ZDHHC7: variants seen among roughly 807,000 people sequenced by gnomAD.
ZDHHC7 encodes palmitoyltransferase ZDHHC7.
A neutral mutation model predicts 34.1 loss-of-function variants in ZDHHC7; 12 were observed. That is an observed-to-expected ratio of 0.35 (90% CI 0.23 to 0.57). The LOEUF (loss-of-function observed/expected upper bound fraction) is 0.57, where lower values mean the gene tolerates loss of function less well. Among genes scored for constraint, ZDHHC7 ranks in the 20% least tolerant of loss-of-function variants. The pLI, the probability that ZDHHC7 is intolerant of heterozygous loss-of-function variation, is 0.84. For synonymous variants in ZDHHC7, 185 were observed against 155.4 expected (o/e 1.19, Z -1.42); for missense variants, 388 against 402.7 (o/e 0.96, Z 0.31).
At chr16:84,976,689 C>T (rs977756370) in intron 7 of ZDHHC7, among the ~76,000 whole-genome samples, 170 bp from the exon 8 acceptor site, 1 of 152,228 alleles carries the variant, frequency 6.6e-6, no homozygotes, top group Non-Finnish European at 1.5e-5. Flanking sequence ...CTCTGTGAGC[C>T]CAGCCCGGCT....
rs576820138 is a variant in ZDHHC7 at position 84,996,482 on chromosome 16, G to A, written c.-103-475C>T. On this transcript the variant is annotated intron_variant, in intron 1 of 7. Transcript: ENST00000313732. ...AGGAAGACAGTGGAACCCAGTGAGG[G>A]CCACTCAATGAGAGCAGAGACTCCT... Among the ~76,000 whole-genome samples the A allele has an allele frequency of 3.3e-5, 5 of 152,202 alleles. No individual in the cohort carries two copies. The South Asian group carries it at 1.0e-3, about 32-fold the overall frequency.
At chr16:84,999,365 G>T (rs1768115085) in intron 1 of ZDHHC7, among the ~76,000 whole-genome samples, 1 of 152,040 alleles carries the variant, frequency 6.6e-6, no homozygotes, top group Admixed American at 6.6e-5. Context: ...CCACTTCCAG[G>T]TATTTACCCA....
upstream of ZDHHC7, among the ~76,000 whole-genome samples, chr16:85,011,840 A>G (rs1251597014): frequency 6.6e-6 from 1 of 152,170 alleles, no homozygotes; most frequent in Non-Finnish European, 1.5e-5. Flanking sequence ...GGTGTCTCAG[A>G]GGCAGCTCCA....
chr16:84,979,200 CA>C lies in ZDHHC7; in HGVS notation c.525del (p.Phe175LeufsTer8). 1 of 1,597,590 alleles carries C rather than the reference CA, an allele frequency of 6.3e-7. No individual in the cohort carries two copies. The highest frequency in any genetic ancestry group is 1.8e-5 in the Admixed American group (1 of 54,528). ...NCVGEKNQRF[F>X]VLFTMYIALS... ...ATATTTTTACTTACAGTGAAGAGCA[CA>C]AAAAATCTTTGATTCTTTTCTCCTA... On this transcript the variant is annotated frameshift_variant, in exon 5 of 8. Transcript: ENST00000313732. LOFTEE classifies it high-confidence loss of function.
At chr16:85,007,377 C>A (rs1453711929) in intron 1 of ZDHHC7, among the ~76,000 whole-genome samples, 1 of 146,810 alleles carries the variant, frequency 6.8e-6, no homozygotes, top group Non-Finnish European at 1.5e-5. Context: ...GAGCCGAGAC[C>A]ACGCCACCGC....
the ZDHHC7 span, among the ~76,000 whole-genome samples, chr16:85,025,700 G>GC: frequency 6.6e-6 from 1 of 152,156 alleles, no homozygotes; most frequent in African/African-American, 2.4e-5. Flanking sequence ...CAGCCACCGC[G>GC]CCCGGCCCCC....
Position 84,974,366 on chromosome 16 carries a change from G to A in ZDHHC7, c.*1977C>T, listed in dbSNP as rs2072266491. 6.6e-6 allele frequency: 1 copy of A among 152,198 alleles called. No homozygotes were observed. Among genetic ancestry groups the A allele is most frequent in the Non-Finnish European group, 1.5e-5 (1 of 68,038 alleles). The allele number at this position is 152,198 out of a possible 1,614,324, so 9.4% of individuals were successfully genotyped here. ...TAGAGTTTCTGGAAACTGTTTGGGAGTGACCTTAACAGCCTGGGGCTGGGC... is the reference window on the plus strand; with the variant it reads ...TAGAGTTTCTGGAAACTGTTTGGGAATGACCTTAACAGCCTGGGGCTGGGC... On this transcript the variant is annotated 3_prime_UTR_variant, in exon 8 of 8. Transcript: ENST00000313732.
At chr16:84,986,033 T>A (rs1051073930) in intron 3 of ZDHHC7, among the ~76,000 whole-genome samples, 2 of 151,418 alleles carry the variant, frequency 1.3e-5, no homozygotes, top group Admixed American at 6.6e-5. Context: ...ATAAATACAT[T>A]GCTTTACATG....
At chr16:84,999,388 A>G (rs942604463) in intron 1 of ZDHHC7, among the ~76,000 whole-genome samples, 1 of 152,220 alleles carries the variant, frequency 6.6e-6, no homozygotes, top group Non-Finnish European at 1.5e-5. Flanking sequence ...AAAAATAAAT[A>G]TAAATATGAA....
intron 1 of ZDHHC7, among the ~76,000 whole-genome samples, chr16:85,007,940 T>A (rs80013304): frequency 4.0e-5 from 6 of 151,750 alleles, no homozygotes; most frequent in Non-Finnish European, 7.4e-5. Context: ...CTGGGTATCA[T>A]AGTGAGACCC....
intron 2 of ZDHHC7, among the ~76,000 whole-genome samples, chr16:84,994,130 G>A (rs1050962188): frequency 6.6e-6 from 1 of 152,194 alleles, no homozygotes; most frequent in South Asian, 2.1e-4. Context: ...TTGCAGGTCC[G>A]ACCTCCCGGC....
chr16:84,986,584 G>A (rs929123850), intron 3 of ZDHHC7, among the ~76,000 whole-genome samples: 2 of 152,156 alleles, frequency 1.3e-5, no homozygotes, highest in East Asian at 1.9e-4. Flanking sequence ...GCCCTCTCAC[G>A]ATCCCAAAGT....
upstream of ZDHHC7, among the ~76,000 whole-genome samples, chr16:85,013,642 G>C (rs149658881): frequency 1.6e-4 from 25 of 152,254 alleles, no homozygotes; most frequent in African/African-American, 5.8e-4. Flanking sequence ...TATATGAGAT[G>C]TACATGTTAA....
At position 84,976,440 on chromosome 16, in the gene ZDHHC7, C is replaced by A. The variant is rs1255467521; in HGVS notation, c.830G>T (p.Gly277Val). The A allele has an allele frequency of 6.2e-7, 1 of 1,613,970 alleles. No individual in the cohort carries two copies. Among genetic ancestry groups the A allele is most frequent in the Non-Finnish European group, 8.5e-7 (1 of 1,180,038 alleles). Residue 277 changes from glycine to valine, a missense_variant, in exon 8 of 8, where the codon GGG becomes GTG. Transcript: ENST00000313732. ...RWEGMKSVFG[G>V]PPSLLWMNPF... is the part of the protein sequence containing the mutation. ...ATTCATCCAGAGGAGTGAGGGGGGC[C>A]CCCCAAAGACGGACTTCATCCCTTC...
intron 6 of ZDHHC7, among the ~76,000 whole-genome samples, chr16:84,977,642 T>C (rs1469442532): frequency 1.3e-5 from 2 of 152,178 alleles, no homozygotes; most frequent in African/African-American, 4.8e-5. Flanking sequence ...GCACCTATTT[T>C]CACTACACTT....
rs375057091 is a variant in ZDHHC7 at position 84,998,330 on chromosome 16, AGGGGTCCCT to A, written c.-103-2332_-103-2324del. Among the ~76,000 whole-genome samples the A allele has an allele frequency of 2.6e-3, 395 of 151,746 alleles. 1 individual carries two copies. Among genetic ancestry groups the A allele is most frequent in the African/African-American group, 9.1e-3 (377 of 41,372 alleles). ...CTTCCAAACAACAGAGGTTGAGCACAGGGGTCCCTGGGAGAAAAGGGCGCAAGCAGATCT... is the reference window on the plus strand; with the variant it reads ...CTTCCAAACAACAGAGGTTGAGCACAGGGAGAAAAGGGCGCAAGCAGATCT... On this transcript the variant is annotated intron_variant, in intron 1 of 7. Transcript: ENST00000313732.
chr16:84,981,200 G>T (rs1302517536), intron 4 of ZDHHC7, among the ~76,000 whole-genome samples: 1 of 152,190 alleles, frequency 6.6e-6, no homozygotes, highest in East Asian at 1.9e-4. Context: ...GCAAATGTGG[G>T]GGAAGAGGAT....
At chr16:84,986,899 T>C (rs918578360) in intron 3 of ZDHHC7, among the ~76,000 whole-genome samples, 3 of 152,156 alleles carry the variant, frequency 2.0e-5, no homozygotes, top group African/African-American at 7.2e-5. Flanking sequence ...AAAGACATGA[T>C]CTGTGGAGAG....
At chr16:84,986,310 G>C (rs1438974271) in intron 3 of ZDHHC7, among the ~76,000 whole-genome samples, 1 of 152,224 alleles carries the variant, frequency 6.6e-6, no homozygotes, top group Non-Finnish European at 1.5e-5. Flanking sequence ...TCCCAGCCTG[G>C]CCTCTTACTG....
Sources: gnomAD v4.1 joint callset for allele counts (sites outside exome capture counted in the v4.1 genomes callset) on GRCh38, gnomAD v4.1.1 for gene constraint, MANE v1.5 for transcripts, NCBI Gene and HGNC (gene_info 2026-07-23, HGNC 2026-07-21) for gene names.